Variants in SLC8A3 observed in about 807,000 individuals in gnomAD.
SLC8A3 encodes the protein sodium/calcium exchanger 3.
Under a neutral mutation model 65.4 loss-of-function variants are expected in SLC8A3, and 37 were observed. That is an observed-to-expected ratio of 0.57 (90% CI 0.44 to 0.74). The LOEUF is 0.74. SLC8A3 is among the 30% of genes least tolerant of loss of function. The pLI is 0.00. For synonymous variants in SLC8A3, 461 were observed against 444.5 expected (o/e 1.04, Z -0.47); for missense variants, 1,112 against 1,172.1 (o/e 0.95, Z 0.75).
At chr14:70,093,142 C>G (rs1891918541) in intron 2 of SLC8A3, among the ~76,000 whole-genome samples, 1 of 152,194 alleles carries the variant, frequency 6.6e-6, no homozygotes. Context: ...TCCACACATT[C>G]TGAGCATCTC....
At chr14:70,168,580 A>G in intron 1 of SLC8A3, 96 bp from the exon 2 acceptor site, 1 of 609,748 alleles carries the variant, frequency 1.6e-6, no homozygotes, top group South Asian at 2.0e-5. Flanking sequence ...ACCTCCAGTG[A>G]CATATTGCAC....
chr14:70,064,652 C>A (rs1044285138), intron 2 of SLC8A3, among the ~76,000 whole-genome samples: 1 of 152,138 alleles, frequency 6.6e-6, no homozygotes, highest in African/African-American at 2.4e-5. Context: ...AAACAGGCTT[C>A]TGCAGTCACA....
intron 2 of SLC8A3, among the ~76,000 whole-genome samples, chr14:70,117,920 G>T (rs924216896): frequency 9.2e-5 from 14 of 152,130 alleles, no homozygotes; most frequent in African/African-American, 3.4e-4. Context: ...CCCATTCTTT[G>T]CCACTGAATC....
At chr14:70,108,833 G>A (rs746990713) in intron 2 of SLC8A3, among the ~76,000 whole-genome samples, 1 of 152,158 alleles carries the variant, frequency 6.6e-6, no homozygotes, top group Non-Finnish European at 1.5e-5. Context: ...CCACAGTCCT[G>A]CTACACTAAC....
chr14:70,112,523 G>C (rs1307210497), intron 2 of SLC8A3, among the ~76,000 whole-genome samples: 8 of 152,174 alleles, frequency 5.3e-5, no homozygotes, highest in Non-Finnish European at 7.3e-5. Context: ...CTCAAAGCCT[G>C]GATGCGGGAA....
chr14:70,069,197 G>A (rs1006369373), intron 2 of SLC8A3, among the ~76,000 whole-genome samples: 1 of 152,206 alleles, frequency 6.6e-6, no homozygotes, highest in Admixed American at 6.5e-5. Flanking sequence ...CCAAGCTGCA[G>A]CCACAGTGAG....
At chr14:70,048,735 TC>T in intron 6 of SLC8A3, 31 bp downstream of exon 6, 1 of 1,602,160 alleles carries the variant, frequency 6.2e-7, no homozygotes, top group South Asian at 1.1e-5. Context: ...GGTAAAATCC[TC>T]TTTGCAAATT....
intron 1 of SLC8A3, among the ~76,000 whole-genome samples, chr14:70,186,057 C>T (rs990414965): frequency 2.6e-5 from 4 of 152,110 alleles, no homozygotes; most frequent in African/African-American, 7.2e-5. Flanking sequence ...TCCTATAATC[C>T]CTACGTGTCC....
intron 2 of SLC8A3, among the ~76,000 whole-genome samples, chr14:70,164,615 T>C (rs887744493): frequency 6.6e-6 from 1 of 152,138 alleles, no homozygotes; most frequent in Admixed American, 6.5e-5. Context: ...CCTAGGTGCA[T>C]AATTGATTAT....
At chr14:70,050,689 G>A (rs543032723) in intron 5 of SLC8A3, among the ~76,000 whole-genome samples, 1 of 152,308 alleles carries the variant, frequency 6.6e-6, no homozygotes, top group Admixed American at 6.5e-5. Flanking sequence ...AATTTATTGA[G>A]TTTGGATTTT....
chr14:70,133,388 C>T (rs1894975347), intron 2 of SLC8A3, among the ~76,000 whole-genome samples: 1 of 152,178 alleles, frequency 6.6e-6, no homozygotes, highest in African/African-American at 2.4e-5. Flanking sequence ...GCAGCCACCT[C>T]CTCCTTCACT....
Position 70,167,178 on chromosome 14 carries a change from G to T in SLC8A3, c.1245C>A (p.Leu415=), listed in dbSNP as rs1897223233. The T allele has an allele frequency of 1.2e-6, 2 of 1,614,144 alleles. No homozygotes were observed. Among genetic ancestry groups the T allele is most frequent in the Non-Finnish European group, 1.7e-6 (2 of 1,180,038 alleles). ...CTCCCCCTTTCCTCACCACTGTCAGGAGTACAGCCCCACAGTTCTCCAGGC... is the reference window on the plus strand; with the variant it reads ...CTCCCCCTTTCCTCACCACTGTCAGTAGTACAGCCCCACAGTTCTCCAGGC... ...YQCLENCGAV[L]LTVVRKGGDM... The change falls in exon 2 of 7, where the codon CTC becomes CTA. Residue 415 remains leucine, a synonymous_variant. Transcript: ENST00000356921.
intron 2 of SLC8A3, among the ~76,000 whole-genome samples, chr14:70,165,080 T>C (rs909328204): frequency 6.6e-6 from 1 of 152,242 alleles, no homozygotes; most frequent in African/African-American, 2.4e-5. Flanking sequence ...TGAGTGCTTA[T>C]GTCTATGGTT....
intron 2 of SLC8A3, among the ~76,000 whole-genome samples, chr14:70,071,738 A>T (rs1000969381): frequency 6.6e-6 from 1 of 152,228 alleles, no homozygotes; most frequent in Non-Finnish European, 1.5e-5. Context: ...GAGATAATAA[A>T]TGGGTATTGC....
At chr14:70,087,348 A>G (rs562575283) in intron 2 of SLC8A3, among the ~76,000 whole-genome samples, 2 of 152,326 alleles carry the variant, frequency 1.3e-5, no homozygotes, top group African/African-American at 2.4e-5. Context: ...TGCAACTTCC[A>G]TTTATCTTCT....
At chr14:70,091,312 C>T (rs1489857347) in intron 2 of SLC8A3, among the ~76,000 whole-genome samples, 2 of 152,140 alleles carry the variant, frequency 1.3e-5, no homozygotes, top group Admixed American at 6.5e-5. Context: ...AAAAATTTGT[C>T]TTACAATCAT....
At chr14:70,100,119 T>G (rs1052372800) in intron 2 of SLC8A3, among the ~76,000 whole-genome samples, 10 of 152,354 alleles carry the variant, frequency 6.6e-5, no homozygotes, top group East Asian at 1.9e-4. Flanking sequence ...GATAAATAAA[T>G]GAGTTCAAAA....
rs145162047 is a variant in SLC8A3, at chr14:70,087,793, C to T, written c.1785-26854G>A. On this transcript the variant is annotated intron_variant, in intron 2 of 6. Transcript: ENST00000356921. ...TCCGTCATTTCTATTTTATAAAAGA[C>T]GTGCATGGACCAGAACTTTGCAGCC... Among the ~76,000 whole-genome samples, 804 of 152,214 alleles carry T rather than the reference C, an allele frequency of 5.3e-3. 8 individuals are homozygous for T. Among genetic ancestry groups the T allele is most frequent in the African/African-American group, 0.019 (770 of 41,530 alleles).
At chr14:70,117,043 C>T (rs1478917022) in intron 2 of SLC8A3, among the ~76,000 whole-genome samples, 1 of 152,214 alleles carries the variant, frequency 6.6e-6, no homozygotes, top group Non-Finnish European at 1.5e-5. Context: ...TTAAAAATTA[C>T]CTGTGTTCTC....
Sources: allele counts gnomAD v4.1 joint callset (sites outside exome capture counted in the v4.1 genomes callset), GRCh38; gene constraint gnomAD v4.1.1; transcripts MANE v1.5; gene names NCBI Gene and HGNC (gene_info 2026-07-23, HGNC 2026-07-21).